THSD4: variants seen among roughly 807,000 people sequenced by gnomAD.
THSD4 encodes thrombospondin type 1 domain containing 4, also known as thrombospondin type-1 domain-containing protein 4.
Under a neutral mutation model 119.0 loss-of-function variants are expected in THSD4, and 69 were observed. That is an observed-to-expected ratio of 0.58 (90% CI 0.48 to 0.71). THSD4 has a LOEUF of 0.71. Among genes scored for constraint, THSD4 ranks in the 30% least tolerant of loss-of-function variants. The pLI is 0.00. For missense variants in THSD4, 1,393 were observed against 1,391.1 expected (o/e 1.00, Z -0.02); for synonymous variants, 524 against 540.4 (o/e 0.97, Z 0.42).
intron 8 of THSD4, among the ~76,000 whole-genome samples, chr15:71,670,842 C>A (rs182918043): frequency 6.6e-6 from 1 of 152,180 alleles, no homozygotes; most frequent in African/African-American, 2.4e-5. Context: ...TTTTTTATGG[C>A]TGCATAGTAT....
chr15:71,362,665 C>G (rs962952839), intron 6 of THSD4, among the ~76,000 whole-genome samples: 1 of 152,232 alleles, frequency 6.6e-6, no homozygotes, highest in African/African-American at 2.4e-5. Flanking sequence ...AGAAAAATTG[C>G]AATAAATAAA....
intron 6 of THSD4, among the ~76,000 whole-genome samples, chr15:71,404,493 TGAGA>T (rs2046578783): frequency 6.6e-6 from 1 of 152,246 alleles, no homozygotes; most frequent in African/African-American, 2.4e-5. Context: ...ATTCACCAGT[TGAGA>T]GACATTTCAG....
intron 6 of THSD4, among the ~76,000 whole-genome samples, chr15:71,368,358 C>T (rs1488704397): frequency 2.0e-5 from 3 of 152,100 alleles, no homozygotes; most frequent in Admixed American, 6.6e-5. Context: ...AAGTCCTTGC[C>T]CATGCCTATG....
intron 1 of THSD4, 24 bp from the exon 2 acceptor site, chr15:71,141,422 TAAA>T: frequency 8.1e-7 from 1 of 1,233,778 alleles, no homozygotes; most frequent in Non-Finnish European, 1.1e-6. Flanking sequence ...TAAATGTTGC[TAAA>T]AATAACATTG....
chr15:71,155,419 TC>T (rs2040767131), intron 3 of THSD4, among the ~76,000 whole-genome samples: 1 of 152,152 alleles, frequency 6.6e-6, no homozygotes, highest in Non-Finnish European at 1.5e-5. Context: ...AGGCCCCGCC[TC>T]CAATATTGGA....
intron 6 of THSD4, among the ~76,000 whole-genome samples, chr15:71,332,815 C>T (rs1253314864): frequency 3.3e-5 from 5 of 151,588 alleles, no homozygotes; most frequent in South Asian, 2.1e-4. Context: ...TTGTCCAACC[C>T]GTGTCTTGTG....
chr15:71,568,495 G>GA (rs2049283211), intron 7 of THSD4, among the ~76,000 whole-genome samples: 1 of 151,236 alleles, frequency 6.6e-6, no homozygotes, highest in South Asian at 2.1e-4. Context: ...AAGTAAAACA[G>GA]AAAAATAAAG....
intron 3 of THSD4, among the ~76,000 whole-genome samples, chr15:71,204,878 A>G (rs1449051826): frequency 4.6e-5 from 7 of 152,166 alleles, no homozygotes; most frequent in Admixed American, 4.6e-4. Flanking sequence ...GAATGGCAGA[A>G]GTAGAAGGGG....
intron 15 of THSD4, among the ~76,000 whole-genome samples, chr15:71,763,070 CA>C (rs1005582492): frequency 4.3e-4 from 64 of 149,132 alleles, no homozygotes; most frequent in African/African-American, 1.4e-3. Flanking sequence ...GACTCCATCT[CA>C]AAAAAAAAAT....
intron 11 of THSD4, 133 bp downstream of exon 11, chr15:71,738,140 G>A: frequency 8.1e-7 from 1 of 1,234,700 alleles, no homozygotes; most frequent in Non-Finnish European, 1.1e-6. Context: ...CTCCATGGAT[G>A]GTGGCGGGGT....
intron 3 of THSD4, among the ~76,000 whole-genome samples, chr15:71,158,431 G>A (rs1596231090): frequency 6.6e-6 from 1 of 152,230 alleles, no homozygotes; most frequent in Non-Finnish European, 1.5e-5. Flanking sequence ...AGGATTACAG[G>A]TGGGAGCCAC....
chr15:71,546,072 G>A (rs961679550), intron 7 of THSD4, among the ~76,000 whole-genome samples: 1 of 152,178 alleles, frequency 6.6e-6, no homozygotes, highest in African/African-American at 2.4e-5. Context: ...GCCACATTTT[G>A]TGCCTAGGTG....
At chr15:71,427,163 A>G (rs1294471058) in intron 7 of THSD4, among the ~76,000 whole-genome samples, 2 of 152,112 alleles carry the variant, frequency 1.3e-5, no homozygotes, top group African/African-American at 2.4e-5. Context: ...AGATTTCTTT[A>G]TATATATTAA....
chr15:71,307,082 A>G (rs750000600), intron 6 of THSD4, among the ~76,000 whole-genome samples: 1 of 152,078 alleles, frequency 6.6e-6, no homozygotes, highest in Admixed American at 6.5e-5. Flanking sequence ...CTTTGGGACA[A>G]ATTTGCCTTC....
At chr15:71,474,105 C>T (rs2047623877) in intron 7 of THSD4, among the ~76,000 whole-genome samples, 3 of 152,178 alleles carry the variant, frequency 2.0e-5, no homozygotes, top group African/African-American at 7.2e-5. Context: ...AGTCTGCTCC[C>T]CAGAGGCAGA....
chr15:71,112,048 T>C (rs1454031727), upstream of THSD4: 1 of 1,562,124 alleles, frequency 6.4e-7, no homozygotes, highest in Non-Finnish European at 8.7e-7. Flanking sequence ...CTGTAATCTG[T>C]TCACACGTTG....
intron 7 of THSD4, among the ~76,000 whole-genome samples, chr15:71,433,812 G>T (rs2046971791): frequency 6.6e-6 from 1 of 152,090 alleles, no homozygotes; most frequent in African/African-American, 2.4e-5. Context: ...GATGGCCCAG[G>T]TGCTGCACAC....
chr15:71,750,286 A>G (rs1275666644), intron 14 of THSD4, among the ~76,000 whole-genome samples: 1 of 152,146 alleles, frequency 6.6e-6, no homozygotes, highest in African/African-American at 2.4e-5. Context: ...ATACGGCCAC[A>G]TTGGCTGACT....
intron 6 of THSD4, among the ~76,000 whole-genome samples, chr15:71,328,044 G>A (rs1233845894): frequency 6.6e-6 from 1 of 152,164 alleles, no homozygotes; most frequent in Non-Finnish European, 1.5e-5. Flanking sequence ...ATTACAATAG[G>A]CCGTGTCCTC....
Sources: allele counts gnomAD v4.1 joint callset (sites outside exome capture counted in the v4.1 genomes callset), GRCh38; gene constraint gnomAD v4.1.1; transcripts MANE v1.5; gene names NCBI Gene and HGNC (gene_info 2026-07-23, HGNC 2026-07-21).